Variants in PPP2R2B observed in about 807,000 individuals in gnomAD.
The protein encoded by PPP2R2B is protein phosphatase 2 regulatory subunit Bbeta, also known as serine/threonine-protein phosphatase 2A 55 kDa regulatory subunit B beta isoform.
Under a neutral mutation model 46.0 loss-of-function variants are expected in PPP2R2B, and 5 were observed. That is an observed-to-expected ratio of 0.11 (90% confidence interval 0.06 to 0.23). PPP2R2B has a LOEUF of 0.23. Among genes scored for constraint, PPP2R2B ranks in the 10% least tolerant of loss-of-function variants. The probability of loss-of-function intolerance (pLI) is 1.00; values close to 1 mark genes in which losing one functional copy is unlikely to be tolerated. For missense variants in PPP2R2B, 367 were observed against 575.0 expected, an observed-to-expected ratio of 0.64 and a Z score of 3.70; for synonymous variants, 215 against 206.7, an observed-to-expected ratio of 1.04 and a Z score of -0.34.
At chr5:146,840,270 G>T (rs116152718) in intron 2 of PPP2R2B, among the ~76,000 whole-genome samples, 1 of 152,076 alleles carries the variant, frequency 6.6e-6, no homozygotes, top group Non-Finnish European at 1.5e-5. Flanking sequence ...TCTGTGCCAG[G>T]CACGTTGTCC....
chr5:146,770,054 T>C (rs182402364), intron 2 of PPP2R2B, among the ~76,000 whole-genome samples: 136 of 151,570 alleles, frequency 9.0e-4, no homozygotes, highest in Admixed American at 1.4e-3. Context: ...TTTGGCTGGG[T>C]GTAGTGGCTC....
At chr5:147,074,014 C>T (rs568737391) in intron 2 of PPP2R2B, among the ~76,000 whole-genome samples, 9 of 147,362 alleles carry the variant, frequency 6.1e-5, no homozygotes, top group South Asian at 2.1e-4. Context: ...CCAGCCTGGG[C>T]GACATAGTGA....
chr5:146,644,061 C>G (rs1188776088), intron 6 of PPP2R2B, among the ~76,000 whole-genome samples: 1 of 151,962 alleles, frequency 6.6e-6, no homozygotes, highest in African/African-American at 2.4e-5. Flanking sequence ...AGTTTGCCAA[C>G]CTGTTCTAAC....
At chr5:146,928,469 A>G (rs1000797324) in intron 1 of PPP2R2B, among the ~76,000 whole-genome samples, 4 of 152,086 alleles carry the variant, frequency 2.6e-5, no homozygotes, top group African/African-American at 9.7e-5. Flanking sequence ...AGACCAAAAA[A>G]AAAATCAAGT....
intron 1 of PPP2R2B, among the ~76,000 whole-genome samples, chr5:146,899,390 C>T (rs565898835): frequency 1.2e-4 from 18 of 145,616 alleles, no homozygotes; most frequent in Admixed American, 7.1e-4. Flanking sequence ...AACCAAACAC[C>T]GCATATTCTC....
chr5:146,818,089 G>A (rs1260523090), intron 2 of PPP2R2B, among the ~76,000 whole-genome samples: 1 of 152,134 alleles, frequency 6.6e-6, no homozygotes, highest in East Asian at 1.9e-4. Context: ...ACTGGGTCAG[G>A]TTATCTCAGC....
chr5:146,688,197 A>C (rs1442599334), intron 5 of PPP2R2B, among the ~76,000 whole-genome samples: 1 of 152,160 alleles, frequency 6.6e-6, no homozygotes, highest in African/African-American at 2.4e-5. Flanking sequence ...GAGGAGGTAA[A>C]TACAGATACT....
chr5:146,874,253 G>C (rs1489123734), intron 2 of PPP2R2B, among the ~76,000 whole-genome samples: 2 of 152,224 alleles, frequency 1.3e-5, no homozygotes, highest in Non-Finnish European at 2.9e-5. Context: ...GACCACGTCT[G>C]TATTGGAACA....
rs541644238 is a variant in PPP2R2B at position 146,620,415 on chromosome 5, T to A, written c.790+17836A>T. The stretch of plus-strand genomic sequence containing the variant: ...GATTGAAGGAGGCCTCTGAGCACAT[T>A]CTCTCCAGCAGGCAGCCGTAAGGGA... On this transcript the variant is annotated intron_variant, in intron 7 of 9. Transcript: ENST00000394411. Among the ~76,000 whole-genome samples the A allele has an allele frequency of 1.3e-4, 20 of 152,276 alleles. No homozygotes were observed. The South Asian group carries it at 4.1e-3, about 32-fold the overall frequency.
At chr5:146,666,991 A>G (rs1777018791) in intron 5 of PPP2R2B, among the ~76,000 whole-genome samples, 1 of 152,152 alleles carries the variant, frequency 6.6e-6, no homozygotes, top group Non-Finnish European at 1.5e-5. Flanking sequence ...TTTCTCTTAA[A>G]ATGCAGAGGT....
At chr5:146,658,806 A>T (rs1396794933) in intron 5 of PPP2R2B, among the ~76,000 whole-genome samples, 1 of 152,186 alleles carries the variant, frequency 6.6e-6, no homozygotes, top group Non-Finnish European at 1.5e-5. Flanking sequence ...ACTTTTAATC[A>T]AGGCCGCATA....
At chr5:146,848,077 C>T (rs918433915) in intron 2 of PPP2R2B, among the ~76,000 whole-genome samples, 8 of 152,198 alleles carry the variant, frequency 5.3e-5, no homozygotes, top group Admixed American at 1.3e-4. Flanking sequence ...ATTTTACCTG[C>T]GTTACAGTCG....
intron 1 of PPP2R2B, among the ~76,000 whole-genome samples, chr5:146,986,954 C>T (rs1481605334): frequency 1.3e-5 from 2 of 151,894 alleles, no homozygotes; most frequent in South Asian, 2.1e-4. Context: ...TATCTTAAGG[C>T]ATATAATAAA....
intron 7 of PPP2R2B, among the ~76,000 whole-genome samples, chr5:146,606,699 G>T (rs969940823): frequency 6.6e-6 from 1 of 152,120 alleles, no homozygotes; most frequent in South Asian, 2.1e-4. Context: ...ACCAGTTGTG[G>T]TACTGATTTC....
At chr5:146,815,196 C>G (rs1163595213) in intron 2 of PPP2R2B, among the ~76,000 whole-genome samples, 3 of 152,212 alleles carry the variant, frequency 2.0e-5, no homozygotes, top group African/African-American at 7.2e-5. Flanking sequence ...AAGGTCCATT[C>G]TCTTCCTTGT....
At chr5:146,751,335 T>C (rs978026331) in intron 2 of PPP2R2B, 1 of 152,216 alleles carries the variant, frequency 6.6e-6, no homozygotes, top group South Asian at 2.1e-4. Flanking sequence ...TTATGTCACC[T>C]GTTGGGAATT....
intron 5 of PPP2R2B, among the ~76,000 whole-genome samples, chr5:146,667,741 C>A (rs1777097386): frequency 1.3e-5 from 2 of 152,116 alleles, no homozygotes; most frequent in Admixed American, 6.6e-5. Context: ...TTAGGGGCCA[C>A]CTGGTCTCTT....
chr5:147,037,591 G>A lies in PPP2R2B; in HGVS notation c.79+18074C>T, dbSNP rs148247363. 3.5e-3 allele frequency among the ~76,000 whole-genome samples: 526 copies of A among 152,146 alleles called. 3 individuals carry two copies. Among genetic ancestry groups the A allele is most frequent in the African/African-American group, 0.012 (478 of 41,496 alleles). Reference sequence around the variant, plus strand: ...GGTGTATGTGTGTGTAAAAGTATGTGTTGAGTGAGCAAGAAACTTTTGTGT... The same window carrying A: ...GGTGTATGTGTGTGTAAAAGTATGTATTGAGTGAGCAAGAAACTTTTGTGT... On this transcript the variant is annotated intron_variant, in intron 1 of 8. Coordinates refer to the PPP2R2B transcript ENST00000336640.
intron 1 of PPP2R2B, among the ~76,000 whole-genome samples, chr5:146,967,112 T>C (rs1486627477): frequency 6.6e-6 from 1 of 152,208 alleles, no homozygotes; most frequent in Non-Finnish European, 1.5e-5. Context: ...ACCCAGGTCT[T>C]GTCTAATTCC....
Sources: allele counts gnomAD v4.1 joint callset (sites outside exome capture counted in the v4.1 genomes callset), GRCh38; gene constraint gnomAD v4.1.1; transcripts MANE v1.5; gene names NCBI Gene and HGNC (gene_info 2026-07-23, HGNC 2026-07-21).